The following OXR1 variants were observed in gnomAD, a reference collection of about 807,000 sequenced individuals.
OXR1 encodes the protein oxidation resistance protein 1.
A neutral mutation model predicts 104.6 loss-of-function variants in OXR1; 41 were observed. That is an observed-to-expected ratio of 0.39 (90% CI 0.31 to 0.51). The LOEUF is 0.51. Ranked by LOEUF, OXR1 falls within the 20% of genes least tolerant of loss-of-function variation. The probability of loss-of-function intolerance (pLI) is 0.77; values close to 1 mark genes in which losing one functional copy is unlikely to be tolerated. For synonymous variants in OXR1, 348 were observed against 348.4 expected (o/e 1.00, Z 0.01); for missense variants, 955 against 1,031.9 (o/e 0.93, Z 1.02).
At chr8:106,600,270 T>C (rs948359127) in intron 3 of OXR1, among the ~76,000 whole-genome samples, 1 of 152,200 alleles carries the variant, frequency 6.6e-6, no homozygotes, top group East Asian at 1.9e-4. Flanking sequence ...TCAAATCAAC[T>C]TAAAAATAAA....
intron 6 of OXR1, among the ~76,000 whole-genome samples, chr8:106,684,637 T>A (rs538629559): frequency 6.6e-6 from 1 of 152,294 alleles, no homozygotes; most frequent in East Asian, 1.9e-4. Context: ...TACAAAGGAA[T>A]CTTACCCAAA....
chr8:106,588,128 T>G (rs1364405239), intron 3 of OXR1, among the ~76,000 whole-genome samples: 1 of 151,796 alleles, frequency 6.6e-6, no homozygotes, highest in Non-Finnish European at 1.5e-5. Context: ...ATTATTTTTG[T>G]TTTTGTATTT....
intron 3 of OXR1, among the ~76,000 whole-genome samples, chr8:106,558,268 A>G (rs1371162989): frequency 6.6e-6 from 1 of 152,218 alleles, no homozygotes; most frequent in Non-Finnish European, 1.5e-5. Context: ...CTATGTACCA[A>G]AGCAGCCCAA....
intron 3 of OXR1, among the ~76,000 whole-genome samples, chr8:106,643,455 C>T (rs1823829413): frequency 6.6e-6 from 1 of 150,926 alleles, no homozygotes; most frequent in African/African-American, 2.4e-5. Context: ...TTTTAATTTA[C>T]AGCCAAAGAA....
chr8:106,611,951 A>AT, intron 3 of OXR1, among the ~76,000 whole-genome samples: 1 of 150,980 alleles, frequency 6.6e-6, no homozygotes, highest in Non-Finnish European at 1.5e-5. Context: ...CAAAAAAAAA[A>AT]TAGGTCATTC....
At chr8:106,401,134 C>T (rs1212577027) in intron 2 of OXR1, among the ~76,000 whole-genome samples, 1 of 152,166 alleles carries the variant, frequency 6.6e-6, no homozygotes, top group East Asian at 1.9e-4. Context: ...TGGCCACAGT[C>T]CTTGAATGTC....
chr8:106,296,319 G>A (rs1812992789), intron 1 of OXR1, among the ~76,000 whole-genome samples: 1 of 152,136 alleles, frequency 6.6e-6, no homozygotes, highest in Non-Finnish European at 1.5e-5. Context: ...AAAAGAATTA[G>A]TGATCGCCTC....
At chr8:106,534,339 C>T (rs1056196468) in intron 3 of OXR1, among the ~76,000 whole-genome samples, 5 of 152,216 alleles carry the variant, frequency 3.3e-5, no homozygotes, top group African/African-American at 7.2e-5. Context: ...TATCTTAACA[C>T]GTGTGTTCCT....
Position 106,752,017 on chromosome 8 carries a change from A to G in OXR1, c.*1076A>G, listed in dbSNP as rs1835919148. On this transcript the variant is annotated 3_prime_UTR_variant, in exon 17 of 17. Coordinates refer to ENST00000517566, the MANE Select transcript of OXR1 (RefSeq NM_001198533.2). Reference sequence around the variant, plus strand: ...ACTTACTGTCAAGTGACCTCAAAAAAAAAATGAAAAGATAGAATACACTAG... The same window carrying G: ...ACTTACTGTCAAGTGACCTCAAAAAGAAAATGAAAAGATAGAATACACTAG... 6.6e-6 allele frequency: 1 copy of G among 152,564 alleles called. No homozygotes were observed. The highest frequency in any genetic ancestry group is 2.4e-5 in the African/African-American group (1 of 41,456). 9.5% of individuals were successfully genotyped at this position (152,564 alleles called of 1,614,324 possible). A position where few individuals can be genotyped will look rare whatever the true frequency, so the allele number is the denominator to read the frequency against.
chr8:106,480,300 T>G (rs1586697576), intron 2 of OXR1, among the ~76,000 whole-genome samples: 2 of 152,154 alleles, frequency 1.3e-5, no homozygotes, highest in East Asian at 1.9e-4. Flanking sequence ...ATTATCTTGC[T>G]TCTAAAATTC....
At chr8:106,572,595 A>G (rs1296719257) in intron 3 of OXR1, among the ~76,000 whole-genome samples, 1 of 152,194 alleles carries the variant, frequency 6.6e-6, no homozygotes, top group East Asian at 1.9e-4. Flanking sequence ...ACTGAATTTC[A>G]TCACATGCAA....
intron 2 of OXR1, among the ~76,000 whole-genome samples, chr8:106,465,299 G>A (rs12548886): frequency 0.15 from 22,788 of 151,858 alleles, 2,050 homozygotes; most frequent in East Asian, 0.42. Flanking sequence ...TGTGATTAAA[G>A]TGGTGTTATC....
chr8:106,340,386 A>G (rs976815936), intron 1 of OXR1, among the ~76,000 whole-genome samples: 1 of 152,190 alleles, frequency 6.6e-6, no homozygotes, highest in Non-Finnish European at 1.5e-5. Context: ...ATACCCTGTC[A>G]TGTTTTCAAT....
intron 1 of OXR1, among the ~76,000 whole-genome samples, chr8:106,338,564 G>GAA (rs34887481): frequency 8.2e-4 from 70 of 84,988 alleles, no homozygotes; most frequent in Middle Eastern, 6.6e-3. Flanking sequence ...CTCTGTCTCA[G>GAA]AAAAAAAAAA....
intron 3 of OXR1, among the ~76,000 whole-genome samples, chr8:106,526,241 G>C (rs542603639): frequency 1.1e-4 from 16 of 152,164 alleles, no homozygotes; most frequent in South Asian, 6.2e-4. Flanking sequence ...CAATTGGCTG[G>C]ATTCGATTAC....
intron 3 of OXR1, among the ~76,000 whole-genome samples, chr8:106,660,543 C>CT (rs1374862859): frequency 6.6e-6 from 1 of 152,172 alleles, no homozygotes; most frequent in Middle Eastern, 3.2e-3. Flanking sequence ...TGTTAGTGAT[C>CT]TTATTCCTCC....
chr8:106,555,845 T>C (rs553577730), intron 3 of OXR1, among the ~76,000 whole-genome samples: 1 of 150,636 alleles, frequency 6.6e-6, no homozygotes, highest in Admixed American at 6.6e-5. Flanking sequence ...TTATAGTGTG[T>C]GTGTATATGT....
chr8:106,611,935 TA>T lies in OXR1; in HGVS notation c.221-67270del, dbSNP rs1174250300. On this transcript the variant is annotated intron_variant, in intron 3 of 16. Coordinates refer to ENST00000517566, the MANE Select transcript of OXR1 (RefSeq NM_001198533.2). Reference sequence around the variant, plus strand: ...TATACCTTTGTATGGTAAAAACACATAAAAACAAAAAAAAAATAGGTCATTC... The same window carrying T: ...TATACCTTTGTATGGTAAAAACACATAAAACAAAAAAAAAATAGGTCATTC... 4.9e-5 allele frequency among the ~76,000 whole-genome samples: 5 copies of T among 102,804 alleles called. No homozygotes were observed. The East Asian group carries it at 1.7e-3, about 34-fold the overall frequency. The allele number at this position is 102,804 out of a possible 152,430, so 67.4% of individuals were successfully genotyped here. A position where few individuals can be genotyped will look rare whatever the true frequency, so the allele number is the denominator to read the frequency against.
intron 2 of OXR1, among the ~76,000 whole-genome samples, chr8:106,374,192 A>G (rs1178543279): frequency 6.6e-6 from 1 of 152,180 alleles, no homozygotes; most frequent in Non-Finnish European, 1.5e-5. Flanking sequence ...CTGCCTATAT[A>G]AGGAGCATGG....
Sources: allele counts gnomAD v4.1 joint callset (sites outside exome capture counted in the v4.1 genomes callset), GRCh38; gene constraint gnomAD v4.1.1; transcripts MANE v1.5; gene names NCBI Gene and HGNC (gene_info 2026-07-23, HGNC 2026-07-21).